The following GRK7 variants were observed in gnomAD, a reference collection of about 807,000 sequenced individuals.
The protein encoded by GRK7 is G protein-coupled receptor kinase 7, also known as rhodopsin kinase GRK7.
Under a neutral mutation model 34.1 loss-of-function variants are expected in GRK7, and 24 were observed. That is an observed-to-expected ratio of 0.70 (90% CI 0.51 to 0.99). GRK7 has a LOEUF of 0.99. Ranked by LOEUF, GRK7 falls within the 50% of genes least tolerant of loss-of-function variation. The probability of loss-of-function intolerance (pLI) is 0.00; values close to 1 mark genes in which losing one functional copy is unlikely to be tolerated. For synonymous variants in GRK7, 256 were observed against 279.4 expected (o/e 0.92, Z 0.84); for missense variants, 644 against 707.3 (o/e 0.91, Z 1.02).
chr3:141,792,979 A>G (rs1368776543), intron 4 of GRK7, among the ~76,000 whole-genome samples: 2 of 152,232 alleles, frequency 1.3e-5, no homozygotes, highest in Admixed American at 1.3e-4. Flanking sequence ...GGAGGCTTCC[A>G]GGAAGATGAA....
At chr3:141,762,847 C>T (rs1481140619), upstream of GRK7, among the ~76,000 whole-genome samples, 6 of 152,202 alleles carry the variant, frequency 3.9e-5, no homozygotes, top group Admixed American at 2.0e-4. Context: ...TTCTTTAAGC[C>T]GGTCTGAAAA....
chr3:141,762,946 G>T (rs951046713), upstream of GRK7, among the ~76,000 whole-genome samples: 5 of 152,330 alleles, frequency 3.3e-5, no homozygotes, highest in African/African-American at 1.2e-4. Context: ...CTGACCCCTT[G>T]CGCTTCCCAG....
chr3:141,773,880 C>A (rs947624132), intron 1 of GRK7, among the ~76,000 whole-genome samples: 8 of 151,966 alleles, frequency 5.3e-5, no homozygotes, highest in African/African-American at 1.9e-4. Flanking sequence ...AGTCACACAG[C>A]TAGGACTTGC....
At chr3:141,815,516 G>C (rs1711143365) in intron 5 of GRK7, among the ~76,000 whole-genome samples, 1 of 152,048 alleles carries the variant, frequency 6.6e-6, no homozygotes, top group African/African-American at 2.4e-5. Context: ...TAACCAAGAG[G>C]AGTATGGTAG....
At chr3:141,768,548 A>G (rs976884558) in intron 1 of GRK7, among the ~76,000 whole-genome samples, 1 of 151,986 alleles carries the variant, frequency 6.6e-6, no homozygotes, top group African/African-American at 2.4e-5. Context: ...CCAAAATGCT[A>G]GGATTACAGG....
At chr3:141,807,957 G>A (rs761050087) in intron 5 of GRK7, 38 bp downstream of exon 5, 2 of 1,522,012 alleles carry the variant, frequency 1.3e-6, no homozygotes, top group Non-Finnish European at 1.8e-6. Flanking sequence ...GCTGACACCA[G>A]TATTGTCCAC....
rs2084583678 is a variant in GRK7, at chr3:141,766,823, G to A, written c.-215+1085G>A. ...AAAATCTCGTACTTTCCAGAGAGTT[G>A]CTTAGCAGATTTTTAAAATCTTATT... On this transcript the variant is annotated intron_variant, in intron 1 of 5. Coordinates refer to ENST00000682958, the MANE Select transcript of GRK7 (RefSeq NM_139209.3). Among the ~76,000 whole-genome samples, 5 of 152,274 alleles carry A rather than the reference G, an allele frequency of 3.3e-5. No homozygotes were observed. The South Asian group carries it at 1.0e-3, about 32-fold the overall frequency.
intron 4 of GRK7, among the ~76,000 whole-genome samples, chr3:141,804,829 A>G (rs1711009814): frequency 6.6e-6 from 1 of 151,610 alleles, no homozygotes; most frequent in South Asian, 2.1e-4. Flanking sequence ...ATGCTCACAT[A>G]CACTCACATG....
Position 141,778,384 on chromosome 3 carries a change from C to CTCT in GRK7, c.100_101insTCT (p.Arg34delinsLeuTrp). 1.2e-6 allele frequency: 2 copies of CTCT among 1,611,554 alleles called. No individual in the cohort carries two copies. Among genetic ancestry groups the CTCT allele is most frequent in the Non-Finnish European group, 1.7e-6 (2 of 1,178,894 alleles). On this transcript the variant is annotated protein_altering_variant, in exon 3 of 6. Coordinates refer to ENST00000682958, the MANE Select transcript of GRK7 (RefSeq NM_139209.3). The surrounding 1 kb of genome is among the most constrained non-coding windows in gnomAD (Gnocchi z 4.1). ...CGACAGCAAAGAGCTGCAGCGGCGG[C>CTCT]GGCGTAGCCTGGCCCTGCCCGGGCT...
intron 1 of GRK7, among the ~76,000 whole-genome samples, chr3:141,767,708 C>T (rs2084596148): frequency 6.6e-6 from 1 of 152,122 alleles, no homozygotes; most frequent in Non-Finnish European, 1.5e-5. Context: ...GCAGAAAAGT[C>T]TGCTATTTTA....
chr3:141,780,340 C>G, intron 3 of GRK7, 34 bp from the exon 4 acceptor site: 1 of 1,578,394 alleles, frequency 6.3e-7, no homozygotes, highest in Non-Finnish European at 8.7e-7. Flanking sequence ...CCATCTACTT[C>G]TACCTCTTTC....
Position 141,807,884 on chromosome 3 carries a change from C to T in GRK7, c.1290C>T (p.Phe430=), listed in dbSNP as rs751303405. 4 of 1,605,308 alleles carry T rather than the reference C, an allele frequency of 2.5e-6. No individual in the cohort carries two copies. The highest frequency in any genetic ancestry group is 3.4e-6 in the Non-Finnish European group (4 of 1,174,928). Reference sequence around the variant, plus strand: ...AAGCAAAAGATATTTGCAGGCTCTTCTTGGCTAAGAAACCAGAGCAACGCT... The same window carrying T: ...AAGCAAAAGATATTTGCAGGCTCTTTTTGGCTAAGAAACCAGAGCAACGCT... ...TEEAKDICRL[F]LAKKPEQRLG... Residue 430 remains phenylalanine, a synonymous_variant, in exon 5 of 6, where the codon TTC becomes TTT. Coordinates refer to ENST00000682958, the MANE Select transcript of GRK7 (RefSeq NM_139209.3).
intron 4 of GRK7, among the ~76,000 whole-genome samples, chr3:141,788,950 G>A (rs539123153): frequency 1.4e-4 from 21 of 152,142 alleles, no homozygotes; most frequent in African/African-American, 4.8e-4. Flanking sequence ...ACTACGCCTG[G>A]CTGAGGTTCA....
rs1346021045 is a variant in GRK7 at position 141,817,326 on chromosome 3, A to G, written c.*276A>G. 1 of 340,954 alleles carries G rather than the reference A, an allele frequency of 2.9e-6. No homozygotes were observed. The highest frequency in any genetic ancestry group is 2.1e-5 in the African/African-American group (1 of 47,818). 21.1% of individuals were successfully genotyped at this position (340,954 alleles called of 1,614,324 possible). A position where few individuals can be genotyped will look rare whatever the true frequency, so the allele number is the denominator to read the frequency against. Reference sequence around the variant, plus strand: ...CTGAAAGCATCAGCCTTTTACCATCATGTCCCTGTGTATTACGCAAAGTCC... The same window carrying G: ...CTGAAAGCATCAGCCTTTTACCATCGTGTCCCTGTGTATTACGCAAAGTCC... On this transcript the variant is annotated 3_prime_UTR_variant, in exon 6 of 6. Transcript: ENST00000682958.
chr3:141,760,312 G>C (rs1405231055), upstream of GRK7, among the ~76,000 whole-genome samples: 2 of 126,544 alleles, frequency 1.6e-5, no homozygotes, highest in Admixed American at 8.4e-5. Context: ...CTGGTATGTT[G>C]TGTCTTTGTT....
At chr3:141,793,949 C>T (rs1577920411) in intron 4 of GRK7, among the ~76,000 whole-genome samples, 2 of 152,302 alleles carry the variant, frequency 1.3e-5, no homozygotes, top group East Asian at 3.9e-4. Flanking sequence ...TAGAGACCCT[C>T]ACAGACACCC....
intron 4 of GRK7, among the ~76,000 whole-genome samples, chr3:141,785,763 C>CAA (rs549296763): frequency 1.6e-5 from 2 of 125,766 alleles, no homozygotes. Flanking sequence ...GAGTCTGTCT[C>CAA]AAAAAAAAAA....
chr3:141,812,179 C>T (rs748463080), intron 5 of GRK7, among the ~76,000 whole-genome samples: 1 of 152,210 alleles, frequency 6.6e-6, no homozygotes, highest in African/African-American at 2.4e-5. Context: ...ATTGTAATCT[C>T]TGTGTGGGGT....
chr3:141,786,562 T>C (rs2084697275), intron 4 of GRK7, among the ~76,000 whole-genome samples: 2 of 152,032 alleles, frequency 1.3e-5, no homozygotes, highest in Middle Eastern at 3.4e-3. Flanking sequence ...CAGATCATGA[T>C]GTCAGGAGAT....
Sources: gnomAD v4.1 joint callset for allele counts (sites outside exome capture counted in the v4.1 genomes callset) on GRCh38, gnomAD v4.1.1 for gene constraint, Gnocchi (gnomAD v3.1) non-coding constraint, MANE v1.5 for transcripts, NCBI Gene and HGNC (gene_info 2026-07-23, HGNC 2026-07-21) for gene names.